The following ASPRV1 variants were observed in gnomAD, a reference collection of about 807,000 sequenced individuals.
ASPRV1 encodes aspartic peptidase retroviral like 1.
ASPRV1 carries 7 observed loss-of-function variants against 11.0 expected under a neutral mutation model. The ratio of observed to expected loss-of-function variants is 0.64; its 90% CI spans 0.36 to 1.20. The LOEUF is 1.20. Ranked by LOEUF, ASPRV1 falls within the 50% of genes most tolerant of loss-of-function variation. ASPRV1 has a pLI of 0.02. For synonymous variants in ASPRV1, 136 were observed against 138.4 expected, an observed-to-expected ratio of 0.98 and a Z score of 0.12; for missense variants, 299 against 320.0, an observed-to-expected ratio of 0.93 and a Z score of 0.50.
chr2:69,958,010 C>A (rs1043670809), downstream of ASPRV1, among the ~76,000 whole-genome samples: 11 of 152,172 alleles, frequency 7.2e-5, no homozygotes, highest in African/African-American at 2.7e-4. Context: ...ATGGTTCAAA[C>A]GCCCACTGTG....
chr2:69,955,312 T>C, downstream of ASPRV1, among the ~76,000 whole-genome samples: 1 of 152,324 alleles, frequency 6.6e-6, no homozygotes, highest in East Asian at 1.9e-4. Flanking sequence ...AGCTGCCCTC[T>C]TGATGGACAC....
At chr2:70,075,320 C>CA in the ASPRV1 span, 1 of 127,286 alleles carries the variant, frequency 7.9e-6, no homozygotes, top group Non-Finnish European at 1.6e-5. Flanking sequence ...CCGTGTTAGC[C>CA]AGAATGGTCA....
chr2:70,040,971 G>A, the ASPRV1 span, among the ~76,000 whole-genome samples: 1 of 152,100 alleles, frequency 6.6e-6, no homozygotes, highest in East Asian at 1.9e-4. Flanking sequence ...TGACTCCCTG[G>A]TCTTCAGTTA....
the ASPRV1 span, among the ~76,000 whole-genome samples, chr2:70,039,565 G>A: frequency 6.6e-6 from 1 of 152,192 alleles, no homozygotes; most frequent in Non-Finnish European, 1.5e-5. Context: ...GTTCCACAGT[G>A]ATTTACACAA....
At chr2:70,075,970 G>A in the ASPRV1 span, among the ~76,000 whole-genome samples, 1 of 152,158 alleles carries the variant, frequency 6.6e-6, no homozygotes, top group Non-Finnish European at 1.5e-5. Context: ...CTTACTTATG[G>A]TCCAAAAAGC....
the ASPRV1 span, among the ~76,000 whole-genome samples, chr2:70,022,881 A>G: frequency 6.6e-5 from 10 of 152,128 alleles, no homozygotes; most frequent in African/African-American, 2.2e-4. Context: ...AAAAATGAAG[A>G]AGGAAAAAGG....
chr2:69,981,283 C>T, the ASPRV1 span, among the ~76,000 whole-genome samples: 1 of 152,080 alleles, frequency 6.6e-6, no homozygotes, highest in African/African-American at 2.4e-5. Flanking sequence ...AATTATGCTG[C>T]ATCCAATGAT....
the ASPRV1 span, among the ~76,000 whole-genome samples, chr2:69,951,999 G>A: frequency 6.6e-6 from 1 of 152,118 alleles, no homozygotes; most frequent in African/African-American, 2.4e-5. Context: ...CACTTGCCTT[G>A]CTCTGTTTAT....
the ASPRV1 span, among the ~76,000 whole-genome samples, chr2:70,072,910 A>AC: frequency 6.6e-6 from 1 of 150,666 alleles, no homozygotes; most frequent in Admixed American, 6.6e-5. Context: ...AAAAAAAAAA[A>AC]AAAAAACAGC....
chr2:70,069,921 T>G, the ASPRV1 span, among the ~76,000 whole-genome samples: 1 of 151,980 alleles, frequency 6.6e-6, no homozygotes, highest in African/African-American at 2.4e-5. Flanking sequence ...AGACTTTAAG[T>G]TTTTAAGTCT....
At chr2:70,032,934 C>T in the ASPRV1 span, among the ~76,000 whole-genome samples, 8 of 152,090 alleles carry the variant, frequency 5.3e-5, no homozygotes, top group African/African-American at 1.7e-4. Context: ...GTTCCTGAAG[C>T]ATACACAGAG....
the ASPRV1 span, among the ~76,000 whole-genome samples, chr2:70,057,782 A>G: frequency 1.3e-5 from 2 of 151,452 alleles, no homozygotes; most frequent in Non-Finnish European, 2.9e-5. Flanking sequence ...CCCAGCCAGT[A>G]AAACGATTTT....
chr2:69,990,968 C>T, the ASPRV1 span, among the ~76,000 whole-genome samples: 1 of 152,160 alleles, frequency 6.6e-6, no homozygotes, highest in Non-Finnish European at 1.5e-5. Context: ...AACTCCGCAC[C>T]ACACCGGCAC....
At chr2:70,014,749 A>ACATTCAC in the ASPRV1 span, 1 of 148,412 alleles carries the variant, frequency 6.7e-6, no homozygotes, top group Admixed American at 6.8e-5. Flanking sequence ...GCAGTGAGCC[A>ACATTCAC]CATTCACGCC....
chr2:69,937,177 C>A, the ASPRV1 span: 2 of 1,600,604 alleles, frequency 1.2e-6, no homozygotes, highest in Non-Finnish European at 1.7e-6. Context: ...GATGCGGGGG[C>A]CATTGCCCAT....
chr2:70,035,715 A>T, the ASPRV1 span, among the ~76,000 whole-genome samples: 3 of 151,254 alleles, frequency 2.0e-5, no homozygotes, highest in Non-Finnish European at 4.4e-5. Context: ...TAATCCCATA[A>T]GTATGACTGC....
At chr2:69,935,329 T>C in the ASPRV1 span, 8 of 1,562,944 alleles carry the variant, frequency 5.1e-6, 1 homozygote, top group South Asian at 2.2e-5. Context: ...TCTCAAATGC[T>C]ACTGTGGTCT....
At chr2:70,021,044 G>C in the ASPRV1 span, among the ~76,000 whole-genome samples, 2 of 152,194 alleles carry the variant, frequency 1.3e-5, no homozygotes, top group South Asian at 4.1e-4. Context: ...AATGGAAGCT[G>C]TATGTCCACT....
At chr2:70,051,776 C>A in the ASPRV1 span, among the ~76,000 whole-genome samples, 1 of 151,934 alleles carries the variant, frequency 6.6e-6, no homozygotes, top group East Asian at 1.9e-4. Flanking sequence ...GAGTTTGAGA[C>A]CAGACTGGGC....
Sources: gnomAD v4.1 joint callset for allele counts (sites outside exome capture counted in the v4.1 genomes callset) on GRCh38, gnomAD v4.1.1 for gene constraint, MANE v1.5 for transcripts, NCBI Gene and HGNC (gene_info 2026-07-23, HGNC 2026-07-21) for gene names.